CCR5AS: variants seen among roughly 807,000 people sequenced by gnomAD.
The protein encoded by CCR5AS is CCR5 antisense RNA.
rs577233205 is a variant in CCR5AS, at chr3:46,379,548, A to T, written n.392-8131T>A. Among the ~76,000 whole-genome samples the T allele has an allele frequency of 8.5e-4, 129 of 152,298 alleles. 2 individuals are homozygous for T. The highest frequency in any genetic ancestry group is 1.4e-3 in the Non-Finnish European group (96 of 68,024). On this transcript the variant is annotated intron_variant and non_coding_transcript_variant, in intron 2 of 3. Coordinates refer to ENST00000451485, the Ensembl canonical transcript of CCR5AS. ...ACAAGAGCGAGGTCAGATATAAAGA[A>T]AATGATTTATTCCAAACCTCCTTCA...
intron 2 of CCR5AS, among the ~76,000 whole-genome samples, chr3:46,385,384 A>G (rs1021509049): frequency 2.0e-5 from 3 of 152,212 alleles, no homozygotes; most frequent in African/African-American, 7.2e-5. Context: ...TGCATAATCC[A>G]GGGGTCAATA....
intron 3 of CCR5AS, among the ~76,000 whole-genome samples, chr3:46,366,049 C>T (rs1559565229): frequency 6.6e-6 from 1 of 152,202 alleles, no homozygotes; most frequent in Admixed American, 6.5e-5. Flanking sequence ...TGCCCTCACT[C>T]GCTTCCCCAC....
chr3:46,387,608 G>A (rs1198190285), intron 2 of CCR5AS, among the ~76,000 whole-genome samples: 1 of 152,142 alleles, frequency 6.6e-6, no homozygotes, highest in African/African-American at 2.4e-5. Context: ...AATTAACTGG[G>A]GGTGGTGGTG....
chr3:46,393,502 GA>G lies in CCR5AS; in HGVS notation n.164-451del, dbSNP rs796274814. Among the ~76,000 whole-genome samples the G allele has an allele frequency of 3.4e-4, 47 of 138,578 alleles. 1 individual carries two copies. In the East Asian group the frequency reaches 6.6e-3, roughly 19 times the overall value. The allele number at this position is 138,578 out of a possible 152,430, so 90.9% of individuals were successfully genotyped here. ...AAAAGAAAAGAAAAAAAAAGAAGAA[GA>G]AAAAAAAATTTTTTTTCCACCAAGA... On this transcript the variant is annotated intron_variant and non_coding_transcript_variant, in intron 1 of 3. Transcript: ENST00000451485.
intron 3 of CCR5AS, among the ~76,000 whole-genome samples, chr3:46,370,214 T>C (rs777273796): frequency 7.9e-5 from 12 of 152,166 alleles, no homozygotes; most frequent in Non-Finnish European, 1.5e-4. Flanking sequence ...TCCTCATAAA[T>C]GCTTACTGGT....
chr3:46,398,347 A>G (rs1701978649), intron 1 of CCR5AS, among the ~76,000 whole-genome samples: 1 of 152,210 alleles, frequency 6.6e-6, no homozygotes, highest in South Asian at 2.1e-4. Context: ...CAGTCAAGAC[A>G]CACTCACATT....
chr3:46,372,936 A>G (rs755442066), intron 2 of CCR5AS: 3 of 1,604,676 alleles, frequency 1.9e-6, no homozygotes, highest in Non-Finnish European at 2.6e-6. Context: ...AATCTATGAC[A>G]TCAATTATTA....
intron 2 of CCR5AS, among the ~76,000 whole-genome samples, chr3:46,388,188 G>A (rs35388950): frequency 6.6e-6 from 1 of 151,914 alleles, no homozygotes; most frequent in South Asian, 2.1e-4. Context: ...TTGGGGCAGC[G>A]AAAATTTTTG....
intron 2 of CCR5AS, among the ~76,000 whole-genome samples, chr3:46,385,408 CAGGGTGTGAGCCA>C (rs1701852190): frequency 1.3e-5 from 2 of 152,136 alleles, no homozygotes; most frequent in South Asian, 4.1e-4. Flanking sequence ...ACCTGAGAAC[CAGGGTGTGAGCCA>C]AGGCTGGTTA....
At chr3:46,385,942 A>G (rs2106765511) in intron 2 of CCR5AS, among the ~76,000 whole-genome samples, 1 of 151,966 alleles carries the variant, frequency 6.6e-6, no homozygotes, top group African/African-American at 2.4e-5. Flanking sequence ...GGGTTTCACC[A>G]TATTTTATTT....
intron 1 of CCR5AS, among the ~76,000 whole-genome samples, chr3:46,395,349 G>A (rs1701949980): frequency 6.6e-6 from 1 of 152,116 alleles, no homozygotes; most frequent in South Asian, 2.1e-4. Context: ...GACATCTGGG[G>A]TCACAGGCAG....
chr3:46,383,614 T>C (rs893564864), intron 2 of CCR5AS, among the ~76,000 whole-genome samples: 2 of 152,094 alleles, frequency 1.3e-5, no homozygotes, highest in African/African-American at 2.4e-5. Flanking sequence ...ACTCTCCTAC[T>C]GTGGAGGCCA....
intron 2 of CCR5AS, among the ~76,000 whole-genome samples, chr3:46,382,193 G>C (rs1701823280): frequency 6.6e-6 from 1 of 152,238 alleles, no homozygotes; most frequent in African/African-American, 2.4e-5. Flanking sequence ...TGTCAACCAA[G>C]TGTACAGTAA....
intron 2 of CCR5AS, among the ~76,000 whole-genome samples, chr3:46,383,277 G>A (rs1701831254): frequency 6.6e-6 from 1 of 152,168 alleles, no homozygotes; most frequent in Admixed American, 6.5e-5. Context: ...CTTTTAGGGT[G>A]GATTAACCTG....
intron 2 of CCR5AS, chr3:46,373,997 T>C: frequency 6.8e-7 from 1 of 1,477,078 alleles, no homozygotes; most frequent in East Asian, 2.3e-5. Flanking sequence ...CAGTCAGAGT[T>C]GTGCACATGG....
At chr3:46,382,421 T>C (rs1278904099) in intron 2 of CCR5AS, among the ~76,000 whole-genome samples, 2 of 151,572 alleles carry the variant, frequency 1.3e-5, no homozygotes, top group East Asian at 2.0e-4. Flanking sequence ...AACCCCCTCC[T>C]GCACGAGAGA....
intron 2 of CCR5AS, chr3:46,374,004 A>G: frequency 6.9e-7 from 1 of 1,441,730 alleles, no homozygotes; most frequent in Non-Finnish European, 9.4e-7. Flanking sequence ...AGTTGTGCAC[A>G]TGGCTTAGTT....
chr3:46,390,030 AAAG>A (rs1216256257), intron 2 of CCR5AS, among the ~76,000 whole-genome samples: 4 of 152,216 alleles, frequency 2.6e-5, no homozygotes, highest in Non-Finnish European at 4.4e-5. Flanking sequence ...GAGGGGCTGC[AAAG>A]AAGAAGATCA....
At chr3:46,380,204 C>A (rs983656128) in intron 2 of CCR5AS, among the ~76,000 whole-genome samples, 17 of 152,114 alleles carry the variant, frequency 1.1e-4, no homozygotes, top group African/African-American at 3.9e-4. Flanking sequence ...CCATGGAGAT[C>A]ATGCTTTGGT....
Sources: allele counts gnomAD v4.1 joint callset (sites outside exome capture counted in the v4.1 genomes callset), GRCh38; gene constraint gnomAD v4.1.1; transcripts MANE v1.5; gene names NCBI Gene and HGNC (gene_info 2026-07-23, HGNC 2026-07-21).